Variants in MED12L observed in about 807,000 individuals in gnomAD.
MED12L encodes mediator complex subunit 12L.
A neutral mutation model predicts 281.3 loss-of-function variants in MED12L; 60 were observed. The observed-to-expected ratio is 0.21, with a 90% CI of 0.17 to 0.26. The LOEUF (loss-of-function observed/expected upper bound fraction) is 0.26. Among genes scored for constraint, MED12L ranks in the 10% least tolerant of loss-of-function variants. The probability of loss-of-function intolerance (pLI) is 1.00; values close to 1 mark genes in which losing one functional copy is unlikely to be tolerated. For synonymous variants in MED12L, 974 were observed against 987.2 expected, an observed-to-expected ratio of 0.99 and a Z score of 0.25; for missense variants, 2,146 against 2,680.9, an observed-to-expected ratio of 0.80 and a Z score of 4.41.
rs34027826 is a variant in MED12L, at chr3:151,156,144, C to CT, written c.557-10dup. ...ATTGTGTCTAGAAACTCATATTTTT[C>CT]TTTTTTTAAAATGCAGAGTGGACAC... is the stretch of plus-strand genomic sequence containing the variant. On this transcript the variant is annotated splice_polypyrimidine_tract_variant and intron_variant, in intron 5 of 44. Coordinates refer to ENST00000687756, the MANE Select transcript of MED12L (RefSeq NM_001393769.1). 1.0e-5 allele frequency: 16 copies of CT among 1,572,244 alleles called. No homozygotes were observed. Among genetic ancestry groups the CT allele is most frequent in the Middle Eastern group, 1.7e-4 (1 of 5,858 alleles).
chr3:151,228,647 C>T (rs553802643), intron 16 of MED12L, among the ~76,000 whole-genome samples: 1 of 152,250 alleles, frequency 6.6e-6, no homozygotes, highest in East Asian at 1.9e-4. Flanking sequence ...CAGGAAGTGG[C>T]ACTCAACAAC....
intron 16 of MED12L, chr3:151,300,139 A>G: frequency 1.3e-6 from 2 of 1,500,996 alleles, no homozygotes; most frequent in Non-Finnish European, 1.9e-6. Flanking sequence ...GATGCGTGTC[A>G]GGAAACACTT....
At chr3:151,362,363 C>G (rs748204505) in intron 21 of MED12L, among the ~76,000 whole-genome samples, 1 of 152,046 alleles carries the variant, frequency 6.6e-6, no homozygotes, top group Non-Finnish European at 1.5e-5. Flanking sequence ...ACCCCTTTCC[C>G]TCTGTTTATT....
rs369061280 is a variant in MED12L, at chr3:151,243,046, C to T, written c.2250+49380C>T. The stretch of plus-strand genomic sequence containing the variant: ...GGAAGATGAAATGAATGAAATGAAG[C>T]GAGAAGGGAAGTTTAGAGAAAAAAG... On this transcript the variant is annotated intron_variant, in intron 16 of 44. Transcript: ENST00000687756. 5.1e-3 allele frequency among the ~76,000 whole-genome samples: 773 copies of T among 150,570 alleles called. 11 individuals carry two copies. Among genetic ancestry groups the T allele is most frequent in the African/African-American group, 0.017 (708 of 40,762 alleles).
intron 4 of MED12L, among the ~76,000 whole-genome samples, chr3:151,123,751 G>T (rs2148781173): frequency 6.6e-6 from 1 of 152,198 alleles, no homozygotes; most frequent in East Asian, 1.9e-4. Flanking sequence ...TTAGTATTAA[G>T]TTTTCCTTAC....
intron 16 of MED12L, among the ~76,000 whole-genome samples, chr3:151,219,891 ACCCC>A (rs141293857): frequency 2.9e-4 from 27 of 92,112 alleles, no homozygotes; most frequent in African/African-American, 7.7e-4. Context: ...GGTTTATATT[ACCCC>A]CCCCCCCCCC....
At position 151,090,346 on chromosome 3, in the gene MED12L, G is replaced by C. The variant is rs111949622; in HGVS notation, c.99+3321G>C. Among the ~76,000 whole-genome samples the C allele has an allele frequency of 3.5e-3, 539 of 152,226 alleles. 3 individuals carry two copies. The highest frequency in any genetic ancestry group is 0.013 in the African/African-American group (526 of 41,520). On this transcript the variant is annotated intron_variant, in intron 2 of 44. Coordinates refer to ENST00000687756, the MANE Select transcript of MED12L (RefSeq NM_001393769.1). ...TAGATTCAGCCCCTATATGTTTGCT[G>C]TCATGAACTACTGTCATGCCTGCCC...
chr3:151,396,615 G>A (rs1715011528), intron 39 of MED12L, among the ~76,000 whole-genome samples: 1 of 152,206 alleles, frequency 6.6e-6, no homozygotes, highest in African/African-American at 2.4e-5. Flanking sequence ...AACAGAGTGA[G>A]ACTCCGTCTC....
intron 11 of MED12L, among the ~76,000 whole-genome samples, chr3:151,168,097 A>G (rs1720946838): frequency 1.3e-5 from 2 of 152,184 alleles, no homozygotes; most frequent in Admixed American, 1.3e-4. Flanking sequence ...CAAGAAAAAA[A>G]TAGGGGTGTT....
intron 2 of MED12L, among the ~76,000 whole-genome samples, chr3:151,091,682 T>TC: frequency 6.6e-6 from 1 of 152,266 alleles, no homozygotes; most frequent in Non-Finnish European, 1.5e-5. Context: ...GAAGTCTCAG[T>TC]CCCCCTCCAG....
chr3:151,277,132 GC>G (rs2149591284), intron 16 of MED12L, among the ~76,000 whole-genome samples: 1 of 151,874 alleles, frequency 6.6e-6, no homozygotes, highest in African/African-American at 2.4e-5. Flanking sequence ...CTCCTGACCA[GC>G]CTCTCCTGAG....
intron 16 of MED12L, among the ~76,000 whole-genome samples, chr3:151,250,002 A>C (rs1736524219): frequency 6.6e-6 from 1 of 152,194 alleles, no homozygotes; most frequent in Non-Finnish European, 1.5e-5. Context: ...ATTATCAAAT[A>C]AAATAAAGCG....
chr3:151,299,541 C>T lies in MED12L; in HGVS notation c.2251-50518C>T, dbSNP rs190950450. Among the ~76,000 whole-genome samples the T allele has an allele frequency of 6.2e-3, 935 of 150,360 alleles. 13 individuals are homozygous for T. The highest frequency in any genetic ancestry group is 0.022 in the African/African-American group (902 of 40,770). ...TCACCCAGGCTGGAGTACAGTGGTGCGATCTCAGCTCACTGCAACCTCTGT... is the reference window on the plus strand; with the variant it reads ...TCACCCAGGCTGGAGTACAGTGGTGTGATCTCAGCTCACTGCAACCTCTGT... On this transcript the variant is annotated intron_variant, in intron 16 of 44. Transcript: ENST00000687756.
At chr3:151,193,448 G>C in intron 15 of MED12L, 42 bp from the exon 16 acceptor site, 1 of 1,559,320 alleles carries the variant, frequency 6.4e-7, no homozygotes, top group Non-Finnish European at 8.8e-7. Context: ...GGTTTTGCTG[G>C]CTTTCATTTA....
chr3:151,201,439 T>G (rs1452783580), intron 16 of MED12L, among the ~76,000 whole-genome samples: 1 of 152,182 alleles, frequency 6.6e-6, no homozygotes, highest in East Asian at 1.9e-4. Context: ...GATAGAAATT[T>G]TGGAGTCATA....
intron 19 of MED12L, among the ~76,000 whole-genome samples, chr3:151,356,407 A>G (rs1178752427): frequency 1.3e-5 from 2 of 152,102 alleles, no homozygotes; most frequent in African/African-American, 2.4e-5. Flanking sequence ...TAAATAAATA[A>G]ATAAAATTTA....
At chr3:151,249,738 T>C (rs1736467723) in intron 16 of MED12L, among the ~76,000 whole-genome samples, 1 of 152,168 alleles carries the variant, frequency 6.6e-6, no homozygotes, top group Non-Finnish European at 1.5e-5. Context: ...ATTCTGTTTC[T>C]GTCCTGGGTT....
In MED12L at chr3:151,293,064, C is replaced by A. The variant is rs180901511; in HGVS notation, c.2251-56995C>A. ...TTTTGATAGAAGTCCTCAGATAATC[C>A]TTTTAACCCCTTTGCCATTAACCTC... On this transcript the variant is annotated intron_variant, in intron 16 of 44. Transcript: ENST00000687756. 3.8e-3 allele frequency among the ~76,000 whole-genome samples: 571 copies of A among 152,214 alleles called. 4 individuals are homozygous for A. The highest frequency in any genetic ancestry group is 0.013 in the African/African-American group (554 of 41,536).
At chr3:151,261,910 A>G (rs1336249170) in intron 16 of MED12L, among the ~76,000 whole-genome samples, 10 of 152,002 alleles carry the variant, frequency 6.6e-5, no homozygotes, top group Admixed American at 6.6e-4. Flanking sequence ...TATTTTTAGT[A>G]GAGACGGGGT....
Sources: allele counts gnomAD v4.1 joint callset (sites outside exome capture counted in the v4.1 genomes callset), GRCh38; gene constraint gnomAD v4.1.1; transcripts MANE v1.5; gene names NCBI Gene and HGNC (gene_info 2026-07-23, HGNC 2026-07-21).